The following ZFAT variants were observed in gnomAD, a reference collection of about 807,000 sequenced individuals.
The protein encoded by ZFAT is zinc finger and AT-hook domain containing, also known as zinc finger protein ZFAT.
In ZFAT, 64 loss-of-function variants were observed where a neutral mutation model predicts 117.7. The ratio of observed to expected loss-of-function variants is 0.54; its 90% CI spans 0.44 to 0.67. The LOEUF is 0.67. Ranked by LOEUF, ZFAT falls within the 30% of genes least tolerant of loss-of-function variation. The pLI, the probability that ZFAT is intolerant of heterozygous loss-of-function variation, is 0.00. For missense variants in ZFAT, 1,433 were observed against 1,584.5 expected, an observed-to-expected ratio of 0.90 and a Z score of 1.62; for synonymous variants, 679 against 615.0, an observed-to-expected ratio of 1.10 and a Z score of -1.54.
At chr8:134,641,247 G>GCA (rs146785876) in intron 2 of ZFAT, among the ~76,000 whole-genome samples, 17 of 151,472 alleles carry the variant, frequency 1.1e-4, no homozygotes, top group East Asian at 3.9e-4. Flanking sequence ...ACACACACCT[G>GCA]CACACACACA....
the ZFAT span, among the ~76,000 whole-genome samples, chr8:134,737,872 T>C: frequency 6.6e-6 from 1 of 152,196 alleles, no homozygotes; most frequent in Non-Finnish European, 1.5e-5. Flanking sequence ...TCCTGCTTAA[T>C]TTATACCCCA....
chr8:134,673,832 G>A (rs959924078), intron 1 of ZFAT, among the ~76,000 whole-genome samples: 1 of 152,186 alleles, frequency 6.6e-6, no homozygotes, highest in Non-Finnish European at 1.5e-5. Flanking sequence ...TTTGAAGCAG[G>A]CCAGGCACAG....
At chr8:134,759,657 A>T in the ZFAT span, among the ~76,000 whole-genome samples, 1 of 152,070 alleles carries the variant, frequency 6.6e-6, no homozygotes, top group African/African-American at 2.4e-5. Flanking sequence ...CTACAACTGA[A>T]TTCATACTTA....
chr8:134,808,760 A>G, the ZFAT span, among the ~76,000 whole-genome samples: 173 of 152,340 alleles, frequency 1.1e-3, no homozygotes, highest in African/African-American at 4.0e-3. Context: ...TTTTACAGTG[A>G]TAACTGAGAA....
At chr8:134,550,051 A>G (rs755091146) in intron 11 of ZFAT, among the ~76,000 whole-genome samples, 2 of 152,160 alleles carry the variant, frequency 1.3e-5, no homozygotes, top group Non-Finnish European at 2.9e-5. Flanking sequence ...TGTTTACGGG[A>G]TATCAGGTGA....
chr8:134,831,924 G>A, the ZFAT span, among the ~76,000 whole-genome samples: 5 of 151,852 alleles, frequency 3.3e-5, no homozygotes, highest in East Asian at 9.8e-4. Flanking sequence ...CAGGCGGGGG[G>A]CTGAGCGCCC....
intron 12 of ZFAT, among the ~76,000 whole-genome samples, chr8:134,522,876 C>T (rs534292404): frequency 6.6e-6 from 1 of 152,306 alleles, no homozygotes; most frequent in East Asian, 1.9e-4. Flanking sequence ...CAATCTCAGC[C>T]TCAGTTCTTG....
the ZFAT span, among the ~76,000 whole-genome samples, chr8:134,731,533 A>T: frequency 6.6e-6 from 1 of 152,252 alleles, no homozygotes; most frequent in Non-Finnish European, 1.5e-5. Context: ...ACATAGACAT[A>T]TACAGAAATA....
Position 134,478,433 on chromosome 8 carries a change from T to G in ZFAT, c.*49A>C, listed in dbSNP as rs905966012. The G allele has an allele frequency of 3.3e-6, 5 of 1,533,304 alleles. No individual in the cohort carries two copies. The African/African-American group carries it at 4.1e-5, about 13-fold the overall frequency. 95.0% of individuals were successfully genotyped at this position (1,533,304 alleles called of 1,614,324 possible). A position where few individuals can be genotyped will look rare whatever the true frequency, so the allele number is the denominator to read the frequency against. ...GGGTGGCCTCCCCACCCTGGGTGCC[T>G]GCAGAGCCTGGCAGCCCCGCCCTGT... On this transcript the variant is annotated 3_prime_UTR_variant, in exon 16 of 16. Coordinates refer to ENST00000377838, the MANE Select transcript of ZFAT (RefSeq NM_020863.4). The surrounding 1 kb of genome is among the most constrained non-coding windows in gnomAD (Gnocchi z 5.2).
chr8:134,632,489 C>G (rs116951013), intron 3 of ZFAT, among the ~76,000 whole-genome samples: 1 of 152,222 alleles, frequency 6.6e-6, no homozygotes, highest in East Asian at 1.9e-4. Flanking sequence ...TATATAACTG[C>G]CTTACTTCAC....
At chr8:134,760,915 G>T in the ZFAT span, among the ~76,000 whole-genome samples, 1 of 152,176 alleles carries the variant, frequency 6.6e-6, no homozygotes, top group Non-Finnish European at 1.5e-5. Flanking sequence ...TCCAGGAGAG[G>T]CTTCTTTCCT....
chr8:134,600,243 T>C (rs1271394386), intron 7 of ZFAT, 193 bp downstream of exon 7: 2 of 637,632 alleles, frequency 3.1e-6, no homozygotes, highest in African/African-American at 3.6e-5. Flanking sequence ...AATCTCTTTT[T>C]TCAACGTATT....
chr8:134,717,649 AT>A (rs796180794), upstream of ZFAT, among the ~76,000 whole-genome samples: 117 of 143,660 alleles, frequency 8.1e-4, 1 homozygote, highest in African/African-American at 2.4e-3. Flanking sequence ...CACCCGGCTA[AT>A]TTTTTTTTTG....
chr8:134,829,837 T>A, the ZFAT span, among the ~76,000 whole-genome samples: 2 of 152,208 alleles, frequency 1.3e-5, no homozygotes, highest in African/African-American at 4.8e-5. Flanking sequence ...GTTGTTCACC[T>A]GTGGTAGAAT....
chr8:134,511,618 A>G (rs569118377), intron 14 of ZFAT, among the ~76,000 whole-genome samples: 4 of 152,234 alleles, frequency 2.6e-5, no homozygotes, highest in Non-Finnish European at 5.9e-5. Context: ...CATTTCACCT[A>G]ATGCTTCCCT....
At chr8:134,620,203 C>T (rs549348760) in intron 3 of ZFAT, among the ~76,000 whole-genome samples, 28 of 152,328 alleles carry the variant, frequency 1.8e-4, no homozygotes, top group African/African-American at 6.5e-4. Context: ...CTGCTCCTTT[C>T]CTTCTCACCC....
intron 11 of ZFAT, among the ~76,000 whole-genome samples, chr8:134,540,841 T>C (rs549340282): frequency 1.3e-5 from 2 of 152,260 alleles, no homozygotes; most frequent in Non-Finnish European, 2.9e-5. Context: ...TTATGAACTA[T>C]ATCTAACCAT....
At chr8:134,638,009 C>T (rs1212623791) in intron 2 of ZFAT, among the ~76,000 whole-genome samples, 1 of 152,142 alleles carries the variant, frequency 6.6e-6, no homozygotes, top group Non-Finnish European at 1.5e-5. Context: ...CGGCTGTCAA[C>T]CCCCCGTTCA....
chr8:134,737,800 C>G, the ZFAT span, among the ~76,000 whole-genome samples: 1 of 152,186 alleles, frequency 6.6e-6, no homozygotes, highest in Admixed American at 6.5e-5. Flanking sequence ...CATCTACAAC[C>G]AGAACCTCTA....
Sources: allele counts gnomAD v4.1 joint callset (sites outside exome capture counted in the v4.1 genomes callset), GRCh38; gene constraint gnomAD v4.1.1; non-coding constraint Gnocchi (gnomAD v3.1); transcripts MANE v1.5; gene names NCBI Gene and HGNC (gene_info 2026-07-23, HGNC 2026-07-21).